MCC: variants seen among roughly 807,000 people sequenced by gnomAD.
The protein encoded by MCC is colorectal mutant cancer protein.
A neutral mutation model predicts 116.2 loss-of-function variants in MCC; 90 were observed. The ratio of observed to expected loss-of-function variants is 0.77; its 90% CI spans 0.65 to 0.92. MCC has a LOEUF of 0.92. Ranked by LOEUF, MCC falls within the 40% of genes least tolerant of loss-of-function variation. The pLI is 0.00. For synonymous variants in MCC, 578 were observed against 510.5 expected, an observed-to-expected ratio of 1.13 and a Z score of -1.78; for missense variants, 1,516 against 1,312.2, an observed-to-expected ratio of 1.16 and a Z score of -2.40.
chr5:113,199,266 C>T (rs183568837), intron 3 of MCC, among the ~76,000 whole-genome samples: 9 of 152,040 alleles, frequency 5.9e-5, no homozygotes, highest in African/African-American at 1.9e-4. Context: ...AATCTAGTGC[C>T]GTGTTATCTG....
intron 11 of MCC, among the ~76,000 whole-genome samples, chr5:113,073,211 G>C (rs989110385): frequency 6.6e-6 from 1 of 152,110 alleles, no homozygotes; most frequent in Non-Finnish European, 1.5e-5. Flanking sequence ...AGACCCCTGA[G>C]GATCTTTTTT....
intron 14 of MCC, among the ~76,000 whole-genome samples, chr5:113,054,185 C>G (rs373371598): frequency 8.5e-4 from 129 of 152,302 alleles, no homozygotes; most frequent in African/African-American, 3.1e-3. Flanking sequence ...ACACTGTGGA[C>G]TCTAGAAATG....
chr5:113,455,423 G>A (rs974762664), intron 1 of MCC, among the ~76,000 whole-genome samples: 1 of 152,034 alleles, frequency 6.6e-6, no homozygotes, highest in African/African-American at 2.4e-5. Context: ...CACACGGCAG[G>A]AATTCAATAA....
At chr5:113,382,182 T>A (rs1769141072) in intron 2 of MCC, among the ~76,000 whole-genome samples, 1 of 151,806 alleles carries the variant, frequency 6.6e-6, no homozygotes, top group African/African-American at 2.4e-5. Context: ...GATCCTGGAG[T>A]TTACCTAAAT....
rs1188333777 is a variant in MCC at position 113,209,176 on chromosome 5, T to C, written c.628-57754A>G. ...CCCGAGAGGCTCTTACATTCCAAGA[T>C]TGATGCTCTAAGCAATTCATTAATT... On this transcript the variant is annotated intron_variant, in intron 3 of 18. Coordinates refer to ENST00000408903, the MANE Select transcript of MCC (RefSeq NM_001085377.2). 4.6e-5 allele frequency among the ~76,000 whole-genome samples: 7 copies of C among 152,218 alleles called. No individual in the cohort carries two copies. The East Asian group carries it at 9.6e-4, about 21-fold the overall frequency.
chr5:113,245,339 CAACCTTGAGGGACA>C (rs1395749922), intron 3 of MCC, among the ~76,000 whole-genome samples: 1 of 151,090 alleles, frequency 6.6e-6, no homozygotes, highest in Non-Finnish European at 1.5e-5. Flanking sequence ...AGGTTCAACC[CAACCTTGAGGGACA>C]AACCAAAGAA....
intron 3 of MCC, among the ~76,000 whole-genome samples, chr5:113,270,301 C>A (rs1680555663): frequency 1.3e-5 from 2 of 151,962 alleles, no homozygotes; most frequent in South Asian, 4.2e-4. Flanking sequence ...CCAGGGTGTC[C>A]AAACATGGGC....
intron 5 of MCC, among the ~76,000 whole-genome samples, chr5:113,128,491 A>C (rs1173598459): frequency 3.9e-5 from 6 of 152,250 alleles, no homozygotes; most frequent in African/African-American, 1.4e-4. Context: ...TACATACAGG[A>C]AATAAGTGAT....
chr5:113,462,088 G>C (rs1026445272), intron 1 of MCC, among the ~76,000 whole-genome samples: 2 of 152,208 alleles, frequency 1.3e-5, no homozygotes, highest in Non-Finnish European at 2.9e-5. Flanking sequence ...GAGGAGAAAA[G>C]AAAGATTTTA....
At chr5:113,087,181 C>A (rs1032843431) in intron 8 of MCC, among the ~76,000 whole-genome samples, 5 of 152,212 alleles carry the variant, frequency 3.3e-5, no homozygotes, top group Non-Finnish European at 5.9e-5. Flanking sequence ...ATGTCTCCAT[C>A]CTGCTAACTT....
intron 3 of MCC, among the ~76,000 whole-genome samples, chr5:113,264,773 T>C (rs925329815): frequency 2.6e-5 from 4 of 152,122 alleles, no homozygotes; most frequent in Non-Finnish European, 5.9e-5. Flanking sequence ...CCAGGCATGG[T>C]GGCTCAGGCC....
At chr5:113,061,036 C>T (rs1753181875) in intron 14 of MCC, among the ~76,000 whole-genome samples, 1 of 152,198 alleles carries the variant, frequency 6.6e-6, no homozygotes, top group Admixed American at 6.5e-5. Flanking sequence ...ATTTTTTCTG[C>T]CCCAATGAAA....
rs62374367 is a variant in MCC, at chr5:113,235,676, A to C, written c.628-84254T>G. Among the ~76,000 whole-genome samples the C allele has an allele frequency of 9.6e-3, 1,461 of 152,332 alleles. 12 individuals are homozygous for C. The highest frequency in any genetic ancestry group is 0.016 in the Non-Finnish European group (1,060 of 68,034). The stretch of plus-strand genomic sequence containing the variant: ...CTACACAAGGAGATTCAGTACTTGG[A>C]AAGTATTCCTTCACTTAAGGTGTAA... On this transcript the variant is annotated intron_variant, in intron 3 of 18. Coordinates refer to ENST00000408903, the MANE Select transcript of MCC (RefSeq NM_001085377.2).
intron 2 of MCC, among the ~76,000 whole-genome samples, chr5:113,340,968 C>A (rs1315424565): frequency 1.3e-5 from 2 of 152,246 alleles, no homozygotes; most frequent in East Asian, 3.9e-4. Flanking sequence ...ATATGTGCTC[C>A]CTAAACAGAA....
intron 3 of MCC, among the ~76,000 whole-genome samples, chr5:113,199,185 AG>A (rs1450318050): frequency 5.0e-4 from 76 of 152,216 alleles, no homozygotes; most frequent in African/African-American, 1.8e-3. Context: ...AGAAAAAAAA[AG>A]AAAGAAATGA....
At position 113,122,687 on chromosome 5, in the gene MCC, T is replaced by G; in HGVS notation, c.1024A>C (p.Met342Leu). 1 of 1,614,102 alleles carries G rather than the reference T, an allele frequency of 6.2e-7. No individual in the cohort carries two copies. The highest frequency in any genetic ancestry group is 8.5e-7 in the Non-Finnish European group (1 of 1,179,984). Reference sequence around the variant, plus strand: ...TGGCAAGGGCAGGCAGACTCACCCATGTCAGCAGTAACCATGGTAGACTGG... The same window carrying G: ...TGGCAAGGGCAGGCAGACTCACCCAGGTCAGCAGTAACCATGGTAGACTGG... ...ENQSTMVTAD[M>L]DNCSDLNSEL... Residue 342 changes from methionine to leucine, a missense_variant, in exon 6 of 19, where the codon ATG becomes CTG. Coordinates refer to ENST00000408903, the MANE Select transcript of MCC (RefSeq NM_001085377.2).
At chr5:113,099,297 G>C (rs149667961) in intron 8 of MCC, among the ~76,000 whole-genome samples, 1 of 152,166 alleles carries the variant, frequency 6.6e-6, no homozygotes. Flanking sequence ...TAACAGATGT[G>C]ACTGGAAGAA....
At chr5:113,053,620 G>T in intron 15 of MCC, 105 bp downstream of exon 15, 1 of 748,238 alleles carries the variant, frequency 1.3e-6, no homozygotes, top group Non-Finnish European at 2.2e-6. Context: ...GCTCTTCTCT[G>T]GGCAGGAGGG....
chr5:113,435,018 C>T, intron 1 of MCC: 1 of 701,248 alleles, frequency 1.4e-6, no homozygotes, highest in East Asian at 2.7e-5. Flanking sequence ...TCCCAGATGA[C>T]TTCAGCGAGT....
Sources: allele counts gnomAD v4.1 joint callset (sites outside exome capture counted in the v4.1 genomes callset), GRCh38; gene constraint gnomAD v4.1.1; transcripts MANE v1.5; gene names NCBI Gene and HGNC (gene_info 2026-07-23, HGNC 2026-07-21).